HDAC9: variants seen among roughly 807,000 people sequenced by gnomAD.
HDAC9 encodes MEF-2 interacting transcription repressor (MITR) protein.
In HDAC9, 41 loss-of-function variants were observed where a neutral mutation model predicts 139.4. The observed-to-expected ratio is 0.29, with a 90% CI of 0.23 to 0.38. HDAC9 has a LOEUF of 0.38. Among genes scored for constraint, HDAC9 ranks in the 10% least tolerant of loss-of-function variants. HDAC9 has a pLI of 1.00. For missense variants in HDAC9, 1,147 were observed against 1,297.0 expected (o/e 0.88, Z 1.78); for synonymous variants, 517 against 476.2 (o/e 1.09, Z -1.12).
chr7:18,320,913 C>T (rs543117721), intron 1 of HDAC9, among the ~76,000 whole-genome samples: 5 of 152,242 alleles, frequency 3.3e-5, no homozygotes, highest in African/African-American at 1.2e-4. Context: ...GTCCACTTTC[C>T]AGCACATTTA....
chr7:18,890,759 G>T (rs1438178835), intron 22 of HDAC9, among the ~76,000 whole-genome samples: 6 of 152,166 alleles, frequency 3.9e-5, no homozygotes, highest in Non-Finnish European at 5.9e-5. Context: ...TAACATAGAA[G>T]TATTAATATT....
chr7:18,105,873 A>G (rs1206952901), intron 1 of HDAC9, among the ~76,000 whole-genome samples: 1 of 152,228 alleles, frequency 6.6e-6, no homozygotes, highest in African/African-American at 2.4e-5. Context: ...GTGTAGTTGC[A>G]CAATGGCATA....
At chr7:18,564,434 G>C (rs1821622427) in intron 2 of HDAC9, among the ~76,000 whole-genome samples, 1 of 152,108 alleles carries the variant, frequency 6.6e-6, no homozygotes, top group Non-Finnish European at 1.5e-5. Context: ...TTTTTTAAAA[G>C]ACAATTTGTA....
intron 22 of HDAC9, among the ~76,000 whole-genome samples, chr7:18,918,692 A>G (rs1803427662): frequency 6.6e-6 from 1 of 152,040 alleles, no homozygotes; most frequent in Non-Finnish European, 1.5e-5. Flanking sequence ...TAGCTCTACA[A>G]ATTGTGCCAC....
intron 22 of HDAC9, chr7:18,899,291 A>G (rs1563036365): frequency 6.6e-6 from 1 of 151,996 alleles, no homozygotes; most frequent in South Asian, 2.1e-4. Flanking sequence ...AGTAATTAGT[A>G]GGACTGAGTT....
At chr7:18,647,592 T>A (rs1041654579) in intron 9 of HDAC9, among the ~76,000 whole-genome samples, 193 bp from the exon 10 acceptor site, 1 of 152,170 alleles carries the variant, frequency 6.6e-6, no homozygotes, top group Non-Finnish European at 1.5e-5. Context: ...TCTTCAGTGC[T>A]CCAACCCTAT....
chr7:18,732,976 C>CGTGT (rs1562893978), intron 13 of HDAC9, among the ~76,000 whole-genome samples: 2 of 119,430 alleles, frequency 1.7e-5, no homozygotes, highest in South Asian at 2.4e-4. Context: ...TGTATATACA[C>CGTGT]ATGTGTATGT....
At chr7:18,164,123 C>T (rs1160239164) in intron 2 of HDAC9, among the ~76,000 whole-genome samples, 2 of 152,108 alleles carry the variant, frequency 1.3e-5, no homozygotes, top group Admixed American at 6.6e-5. Context: ...TAACATTATG[C>T]AGAAGTCTCA....
At chr7:18,820,798 C>T (rs1035400962) in intron 17 of HDAC9, among the ~76,000 whole-genome samples, 4 of 152,054 alleles carry the variant, frequency 2.6e-5, no homozygotes, top group African/African-American at 4.8e-5. Context: ...AACATAATAA[C>T]AACAAATGTA....
chr7:18,879,652 A>G (rs1799578210), intron 22 of HDAC9, among the ~76,000 whole-genome samples: 1 of 152,174 alleles, frequency 6.6e-6, no homozygotes, highest in Non-Finnish European at 1.5e-5. Flanking sequence ...ACCATACACA[A>G]AAATCAACTC....
chr7:18,273,056 G>GTTTTTTTTTTTTTTTTTTTTTTTTTTTTT (rs746089054), intron 2 of HDAC9, among the ~76,000 whole-genome samples: 2 of 84,774 alleles, frequency 2.4e-5, no homozygotes, highest in African/African-American at 1.2e-4. Context: ...CCCCTTCTTC[G>GTTTTTTTTTTTTTTTTTTTTTTTTTTTTT]TTTTTTTTTT....
At chr7:18,465,908 A>T (rs1390720470) in intron 1 of HDAC9, among the ~76,000 whole-genome samples, 1 of 152,220 alleles carries the variant, frequency 6.6e-6, no homozygotes, top group African/African-American at 2.4e-5. Flanking sequence ...TGCTGCCATC[A>T]GGAACTAACA....
rs553443451 is a variant in HDAC9, at chr7:18,547,328, C to T, written c.23-37953C>T. On this transcript the variant is annotated intron_variant, in intron 2 of 25. Transcript: ENST00000686413. ...TCCGCTCACTGCAAGCTCTGCCTCCCGGGTTCAGGCCATTCTCCTGCCTCA... is the reference window on the plus strand; with the variant it reads ...TCCGCTCACTGCAAGCTCTGCCTCCTGGGTTCAGGCCATTCTCCTGCCTCA... Among the ~76,000 whole-genome samples, 122 of 152,270 alleles carry T rather than the reference C, an allele frequency of 8.0e-4. 2 individuals carry two copies. The Middle Eastern group carries it at 0.027, about 34-fold the overall frequency.
At chr7:18,704,846 G>C (rs890320420) in intron 12 of HDAC9, among the ~76,000 whole-genome samples, 1 of 152,056 alleles carries the variant, frequency 6.6e-6, no homozygotes, top group Non-Finnish European at 1.5e-5. Flanking sequence ...AAAAAGAAGA[G>C]GAAATTGAAG....
chr7:18,363,940 C>T (rs1235861238), intron 1 of HDAC9, among the ~76,000 whole-genome samples: 2 of 152,070 alleles, frequency 1.3e-5, no homozygotes, highest in Non-Finnish European at 2.9e-5. Flanking sequence ...TCTAACTTTT[C>T]CTAAAGATTT....
intron 6 of HDAC9, among the ~76,000 whole-genome samples, chr7:18,599,061 G>T (rs182573866): frequency 1.4e-4 from 21 of 152,186 alleles, no homozygotes; most frequent in African/African-American, 4.8e-4. Flanking sequence ...GTTGTTCATC[G>T]TAGGAGGAAG....
intron 23 of HDAC9, 97 bp downstream of exon 23, chr7:18,936,039 C>T (rs1193751231): frequency 1.8e-6 from 2 of 1,131,386 alleles, no homozygotes; most frequent in African/African-American, 1.6e-5. Flanking sequence ...ACTCAGAAAG[C>T]TTAACATTGC....
At chr7:18,104,818 C>T (rs1286817582) in intron 1 of HDAC9, among the ~76,000 whole-genome samples, 1 of 152,068 alleles carries the variant, frequency 6.6e-6, no homozygotes, top group Non-Finnish European at 1.5e-5. Flanking sequence ...AGCTTATAGA[C>T]ATGTTTTGTT....
intron 12 of HDAC9, among the ~76,000 whole-genome samples, chr7:18,706,393 A>G (rs1218393941): frequency 2.0e-5 from 3 of 152,166 alleles, no homozygotes; most frequent in Non-Finnish European, 4.4e-5. Flanking sequence ...TATTTGCTTA[A>G]TGATTGACAA....
Sources: allele counts gnomAD v4.1 joint callset (sites outside exome capture counted in the v4.1 genomes callset), GRCh38; gene constraint gnomAD v4.1.1; transcripts MANE v1.5; gene names NCBI Gene and HGNC (gene_info 2026-07-23, HGNC 2026-07-21).